The following TMTC2 variants were observed in gnomAD, a reference collection of about 807,000 sequenced individuals.
TMTC2 encodes transmembrane O-mannosyltransferase targeting cadherins 2.
Under a neutral mutation model 82.4 loss-of-function variants are expected in TMTC2, and 43 were observed. The ratio of observed to expected loss-of-function variants is 0.52; its 90% CI spans 0.41 to 0.67. TMTC2 has a LOEUF of 0.67. Ranked by LOEUF, TMTC2 falls within the 30% of genes least tolerant of loss-of-function variation. The probability of loss-of-function intolerance (pLI) is 0.00; values close to 1 mark genes in which losing one functional copy is unlikely to be tolerated. For missense variants in TMTC2, 919 were observed against 1,012.4 expected, an observed-to-expected ratio of 0.91 and a Z score of 1.25; for synonymous variants, 408 against 381.9, an observed-to-expected ratio of 1.07 and a Z score of -0.80.
chr12:82,906,000 G>C (rs1187898980), intron 3 of TMTC2, among the ~76,000 whole-genome samples: 1 of 151,070 alleles, frequency 6.6e-6, no homozygotes, highest in African/African-American at 2.4e-5. Flanking sequence ...TTTCAATTTT[G>C]CAGCGTCTGA....
In TMTC2 at chr12:82,857,537, T is replaced by C; in HGVS notation, c.611T>C (p.Phe204Ser). 1 of 1,612,902 alleles carries C rather than the reference T, an allele frequency of 6.2e-7. No individual in the cohort carries two copies. The highest frequency in any genetic ancestry group is 1.1e-5 in the South Asian group (1 of 90,638). ...TCAGCAGTTTATGATGTCTTTGTCT[T>C]TCACAGGCTGAAAATAAAACAGATA... Reference protein sequence around the residue: ...AVSAVYDVFVFHRLKIKQILP... With the variant: ...AVSAVYDVFVSHRLKIKQILP... Residue 204 changes from phenylalanine (F) to serine (S), a missense_variant, in exon 2 of 12, where the codon TTT becomes TCT. By Grantham distance (155) the Phe-to-Ser change is radical. Coordinates refer to ENST00000321196, the MANE Select transcript of TMTC2 (RefSeq NM_152588.3).
chr12:82,994,421 A>G (rs1879527813), intron 8 of TMTC2, among the ~76,000 whole-genome samples: 1 of 149,740 alleles, frequency 6.7e-6, no homozygotes, highest in Admixed American at 6.7e-5. Flanking sequence ...GGCATGAGCT[A>G]CCGTGCCCGT....
intron 2 of TMTC2, among the ~76,000 whole-genome samples, chr12:82,864,250 C>G (rs1454087859): frequency 6.6e-6 from 1 of 151,920 alleles, no homozygotes; most frequent in East Asian, 1.9e-4. Flanking sequence ...ATTGTGGCTC[C>G]CAAAATGTTG....
intron 1 of TMTC2, among the ~76,000 whole-genome samples, chr12:82,826,413 A>G (rs1000092428): frequency 5.3e-5 from 8 of 152,136 alleles, no homozygotes; most frequent in African/African-American, 1.7e-4. Flanking sequence ...ACTTTATGCT[A>G]CTTTTTCATC....
intron 1 of TMTC2, among the ~76,000 whole-genome samples, chr12:82,769,531 A>G (rs757246091): frequency 6.6e-6 from 1 of 152,112 alleles, no homozygotes; most frequent in Non-Finnish European, 1.5e-5. Context: ...CAATTATGAC[A>G]ACAACCTACC....
chr12:82,873,326 G>C (rs979465931), intron 2 of TMTC2, among the ~76,000 whole-genome samples: 1 of 151,184 alleles, frequency 6.6e-6, no homozygotes, highest in Non-Finnish European at 1.5e-5. Context: ...CCTGGTTAAA[G>C]TCTTGTGAAG....
intron 1 of TMTC2, among the ~76,000 whole-genome samples, chr12:82,776,507 T>C (rs183346190): frequency 1.8e-3 from 271 of 152,054 alleles, no homozygotes; most frequent in Non-Finnish European, 2.6e-3. Flanking sequence ...ATGGTGGCTC[T>C]TGAATGTAAT....
At position 82,966,950 on chromosome 12, in the gene TMTC2, A is replaced by G. The variant is rs138971736; in HGVS notation, c.1901A>G (p.Gln634Arg). The change falls in exon 7 of 12, where the codon CAG becomes CGG. Residue 634 changes from glutamine (Q) to arginine (R), a missense_variant. Gln to Arg is a conservative substitution (Grantham distance 43, BLOSUM62 1). Coordinates refer to ENST00000321196, the MANE Select transcript of TMTC2 (RefSeq NM_152588.3). ...CTTAGTGTATACAAGGAAGCAATTC[A>G]GAAAATGCCAAGGCAGTTTGCCCCA... ...EALSVYKEAI[Q>R]KMPRQFAPQS... 1,034 of 1,613,380 alleles carry G rather than the reference A, an allele frequency of 6.4e-4. 3 individuals are homozygous for G. In the African/African-American group the frequency reaches 0.011, roughly 17 times the overall value.
chr12:82,888,702 T>C (rs1466861706), intron 2 of TMTC2, among the ~76,000 whole-genome samples: 1 of 152,154 alleles, frequency 6.6e-6, no homozygotes, highest in Admixed American at 6.5e-5. Context: ...TCAGACTTAG[T>C]TTAAGAATCA....
At position 82,915,917 on chromosome 12, in the gene TMTC2, G is replaced by A. The variant is rs137960892; in HGVS notation, c.1484-14514G>A. ...TATCATTGTTAATAATCAAGACTGC[G>A]TACAGCAACTCAACGTCTGTCATCC... is the stretch of plus-strand genomic sequence containing the variant. On this transcript the variant is annotated intron_variant, in intron 3 of 11. Transcript: ENST00000321196. 1.8e-3 allele frequency among the ~76,000 whole-genome samples: 267 copies of A among 152,292 alleles called. 1 individual carries two copies. The highest frequency in any genetic ancestry group is 8.5e-3 in the South Asian group (41 of 4,832).
chr12:83,106,306 C>T (rs1239294627), intron 11 of TMTC2, among the ~76,000 whole-genome samples: 1 of 152,018 alleles, frequency 6.6e-6, no homozygotes, highest in African/African-American at 2.4e-5. Context: ...TCGAGACCAG[C>T]CTGACCAATG....
At chr12:82,941,736 A>G (rs539279581) in intron 4 of TMTC2, among the ~76,000 whole-genome samples, 2 of 152,104 alleles carry the variant, frequency 1.3e-5, no homozygotes, top group East Asian at 3.9e-4. Flanking sequence ...CTGATGTGGG[A>G]TAATGATTTT....
chr12:82,969,982 A>G (rs1878377929), intron 7 of TMTC2, among the ~76,000 whole-genome samples: 1 of 152,212 alleles, frequency 6.6e-6, no homozygotes, highest in Non-Finnish European at 1.5e-5. Context: ...TATTAAGAGA[A>G]CAAATCACAA....
intron 10 of TMTC2, among the ~76,000 whole-genome samples, chr12:83,059,936 C>G (rs1009529244): frequency 6.6e-6 from 1 of 151,632 alleles, no homozygotes; most frequent in Non-Finnish European, 1.5e-5. Context: ...ACCTGCATGC[C>G]TTTTATTTTC....
At chr12:82,847,996 T>C (rs1056977622) in intron 1 of TMTC2, among the ~76,000 whole-genome samples, 1 of 152,170 alleles carries the variant, frequency 6.6e-6, no homozygotes, top group Non-Finnish European at 1.5e-5. Flanking sequence ...GAGTACTATG[T>C]ATGTTAGGCT....
At chr12:82,701,898 C>A (rs1013233868) in intron 1 of TMTC2, among the ~76,000 whole-genome samples, 4 of 151,900 alleles carry the variant, frequency 2.6e-5, no homozygotes, top group Non-Finnish European at 5.9e-5. Context: ...TTTCTTTCCT[C>A]TTCACCCCCA....
At chr12:82,731,372 C>A (rs538594142) in intron 1 of TMTC2, among the ~76,000 whole-genome samples, 24 of 152,286 alleles carry the variant, frequency 1.6e-4, no homozygotes, top group Non-Finnish European at 3.2e-4. Context: ...AGAGTTTTTT[C>A]TCATCTTTTA....
At chr12:83,057,821 C>T (rs983052588) in intron 10 of TMTC2, among the ~76,000 whole-genome samples, 3 of 151,698 alleles carry the variant, frequency 2.0e-5, no homozygotes, top group Admixed American at 6.6e-5. Flanking sequence ...ATTTTTAATT[C>T]AAATTGACAA....
At chr12:82,751,474 A>G (rs894320019) in intron 1 of TMTC2, among the ~76,000 whole-genome samples, 11 of 152,160 alleles carry the variant, frequency 7.2e-5, no homozygotes, top group Non-Finnish European at 1.6e-4. Flanking sequence ...CCAGCATGGC[A>G]CATGTATACA....
Sources: gnomAD v4.1 joint callset for allele counts (sites outside exome capture counted in the v4.1 genomes callset) on GRCh38, gnomAD v4.1.1 for gene constraint, MANE v1.5 for transcripts, NCBI Gene and HGNC (gene_info 2026-07-23, HGNC 2026-07-21) for gene names.